Variants in PPP1R12B observed in about 807,000 individuals in gnomAD.
PPP1R12B encodes protein phosphatase 1 regulatory subunit 12B.
A neutral mutation model predicts 126.1 loss-of-function variants in PPP1R12B; 76 were observed. The observed-to-expected ratio is 0.60, with a 90% CI of 0.50 to 0.73. PPP1R12B has a LOEUF of 0.73. Ranked by LOEUF, PPP1R12B falls within the 30% of genes least tolerant of loss-of-function variation. The pLI is 0.00. For synonymous variants in PPP1R12B, 356 were observed against 434.7 expected (o/e 0.82, Z 2.25); for missense variants, 1,052 against 1,205.1 (o/e 0.87, Z 1.88).
At chr1:202,562,482 A>G (rs958344379) in intron 19 of PPP1R12B, 12 of 424,348 alleles carry the variant, frequency 2.8e-5, no homozygotes, top group Non-Finnish European at 4.9e-5. Flanking sequence ...GTTCAATCCT[A>G]AACTAATATG....
chr1:202,550,542 T>G (rs1485914110), intron 18 of PPP1R12B, among the ~76,000 whole-genome samples: 2 of 152,352 alleles, frequency 1.3e-5, no homozygotes, highest in East Asian at 3.9e-4. Flanking sequence ...TGATCAGGCT[T>G]CTTAGGTGTT....
chr1:202,521,536 A>G (rs1365981571), intron 18 of PPP1R12B, among the ~76,000 whole-genome samples: 1 of 152,226 alleles, frequency 6.6e-6, no homozygotes, highest in Admixed American at 6.5e-5. Flanking sequence ...AAGCGTTTAG[A>G]CATCTTGAAG....
At chr1:202,491,714 A>G (rs944157486) in intron 14 of PPP1R12B, among the ~76,000 whole-genome samples, 1 of 152,206 alleles carries the variant, frequency 6.6e-6, no homozygotes, top group African/African-American at 2.4e-5. Flanking sequence ...AACGTCTTAG[A>G]GGGAAAGATT....
intron 23 of PPP1R12B, among the ~76,000 whole-genome samples, chr1:202,577,782 C>T (rs954347571): frequency 2.0e-5 from 3 of 152,164 alleles, no homozygotes; most frequent in Non-Finnish European, 2.9e-5. Flanking sequence ...TAGCCCCTTC[C>T]TCTTTAACAC....
intron 13 of PPP1R12B, among the ~76,000 whole-genome samples, chr1:202,479,424 A>G (rs1677066983): frequency 6.6e-6 from 1 of 152,220 alleles, no homozygotes. Context: ...AGGAAACCTT[A>G]AAAGGGTAAA....
rs947501081 is a variant in PPP1R12B at position 202,386,433 on chromosome 1, A to C, written c.292-30354A>C. Reference sequence around the variant, plus strand: ...TGCAGCCTCCGCCTTCTGGGTTCACACTATTCTCCTGCCTCAGCCTCCCAA... The same window carrying C: ...TGCAGCCTCCGCCTTCTGGGTTCACCCTATTCTCCTGCCTCAGCCTCCCAA... On this transcript the variant is annotated intron_variant, in intron 1 of 23. Coordinates refer to ENST00000608999, the MANE Select transcript of PPP1R12B (RefSeq NM_002481.4). Among the ~76,000 whole-genome samples the C allele has an allele frequency of 7.2e-5, 11 of 151,726 alleles. 1 individual carries two copies. Among genetic ancestry groups the C allele is most frequent in the African/African-American group, 2.7e-4 (11 of 41,358 alleles).
chr1:202,437,618 C>G (rs545689760), intron 9 of PPP1R12B, among the ~76,000 whole-genome samples: 1 of 152,106 alleles, frequency 6.6e-6, no homozygotes, highest in Non-Finnish European at 1.5e-5. Flanking sequence ...CTATTTTTGG[C>G]TTAGGAAGAA....
In PPP1R12B at chr1:202,586,396, A is replaced by G. The variant is rs139496452; in HGVS notation, c.*5836A>G. The G allele has an allele frequency of 1.3e-5, 2 of 152,400 alleles. No homozygotes were observed. Among genetic ancestry groups the G allele is most frequent in the African/African-American group, 4.8e-5 (2 of 41,592 alleles). 9.4% of individuals were successfully genotyped at this position (152,400 alleles called of 1,614,324 possible). On this transcript the variant is annotated 3_prime_UTR_variant, in exon 24 of 24. Transcript: ENST00000608999. ...TGGGAAGGAAGAGAGTTTCACAGAAACAAAGCTTTGTCACACAGAAATGAG... is the reference window on the plus strand; with the variant it reads ...TGGGAAGGAAGAGAGTTTCACAGAAGCAAAGCTTTGTCACACAGAAATGAG...
At chr1:202,552,007 A>T (rs1686379593) in intron 18 of PPP1R12B, among the ~76,000 whole-genome samples, 1 of 152,194 alleles carries the variant, frequency 6.6e-6, no homozygotes. Context: ...ACCGTTGAGA[A>T]CTTGAGGAGG....
At chr1:202,466,081 G>A (rs563814227) in intron 13 of PPP1R12B, among the ~76,000 whole-genome samples, 100 of 152,246 alleles carry the variant, frequency 6.6e-4, no homozygotes, top group Admixed American at 6.1e-3. Context: ...TTTTCCTGTC[G>A]TAATAGGATT....
rs779884502 is a variant in PPP1R12B at position 202,564,413 on chromosome 1, C to T, written c.2653-30C>T. On this transcript the variant is annotated intron_variant, in intron 20 of 23. Coordinates refer to ENST00000608999, the MANE Select transcript of PPP1R12B (RefSeq NM_002481.4). ...GAAATGGTGTGAGTTCTAACGCGAACGCTGATCCTCTTTTTTCCCTCTCCT... is the reference window on the plus strand; with the variant it reads ...GAAATGGTGTGAGTTCTAACGCGAATGCTGATCCTCTTTTTTCCCTCTCCT... 11 of 1,533,462 alleles carry T rather than the reference C, an allele frequency of 7.2e-6. 1 individual carries two copies. Among genetic ancestry groups the T allele is most frequent in the South Asian group, 3.4e-5 (3 of 88,876 alleles). The allele number at this position is 1,533,462 out of a possible 1,614,324, so 95.0% of individuals were successfully genotyped here.
chr1:202,431,044 G>A (rs1157678598), intron 7 of PPP1R12B, among the ~76,000 whole-genome samples: 1 of 152,214 alleles, frequency 6.6e-6, no homozygotes, highest in Non-Finnish European at 1.5e-5. Context: ...GAGACTGTGT[G>A]CAGCATTTTA....
chr1:202,354,735 C>T (rs1656716530), intron 1 of PPP1R12B, among the ~76,000 whole-genome samples: 1 of 151,586 alleles, frequency 6.6e-6, no homozygotes, highest in Admixed American at 6.6e-5. Context: ...GCAACCTCTG[C>T]GTCCCGGGCT....
intron 1 of PPP1R12B, among the ~76,000 whole-genome samples, chr1:202,353,661 G>A (rs1462646848): frequency 6.7e-6 from 1 of 148,618 alleles, no homozygotes; most frequent in Non-Finnish European, 1.5e-5. Flanking sequence ...CCAGACTGGA[G>A]TGTGGTGGTG....
At chr1:202,460,363 C>T (rs1328211917) in intron 13 of PPP1R12B, among the ~76,000 whole-genome samples, 1 of 152,138 alleles carries the variant, frequency 6.6e-6, no homozygotes, top group Non-Finnish European at 1.5e-5. Context: ...TCTTTATAAG[C>T]TAGGTAGTTA....
chr1:202,505,831 CT>C (rs370511241), intron 18 of PPP1R12B, among the ~76,000 whole-genome samples: 8 of 151,868 alleles, frequency 5.3e-5, no homozygotes, highest in African/African-American at 1.9e-4. Flanking sequence ...ATAGATTTTT[CT>C]CCTCTTAACC....
At chr1:202,572,138 G>A (rs966645200) in intron 23 of PPP1R12B, among the ~76,000 whole-genome samples, 16 of 152,210 alleles carry the variant, frequency 1.1e-4, no homozygotes, top group African/African-American at 3.9e-4. Flanking sequence ...AACATTGCTA[G>A]AGTGATTAAT....
chr1:202,523,710 T>TTTTTG (rs896010528), intron 18 of PPP1R12B, among the ~76,000 whole-genome samples: 4 of 152,030 alleles, frequency 2.6e-5, no homozygotes, highest in African/African-American at 7.2e-5. Flanking sequence ...TTTTGTTTGT[T>TTTTTG]TTTTGTTTTG....
chr1:202,517,909 A>T (rs1181634713), intron 18 of PPP1R12B, among the ~76,000 whole-genome samples: 1 of 152,250 alleles, frequency 6.6e-6, no homozygotes, highest in Non-Finnish European at 1.5e-5. Flanking sequence ...TACAGGCGTG[A>T]GCCACTGCAC....
Sources: allele counts gnomAD v4.1 joint callset (sites outside exome capture counted in the v4.1 genomes callset), GRCh38; gene constraint gnomAD v4.1.1; transcripts MANE v1.5; gene names NCBI Gene and HGNC (gene_info 2026-07-23, HGNC 2026-07-21).